The following MACROD1 variants were observed in gnomAD, a reference collection of about 807,000 sequenced individuals.
MACROD1 encodes the protein ADP-ribose glycohydrolase MACROD1.
MACROD1 carries 31 observed loss-of-function variants against 41.4 expected under a neutral mutation model. The ratio of observed to expected loss-of-function variants is 0.75; its 90% CI spans 0.56 to 1.01. MACROD1 has a LOEUF of 1.01. Ranked by LOEUF, MACROD1 falls within the 50% of genes least tolerant of loss-of-function variation. The pLI, the probability that MACROD1 is intolerant of heterozygous loss-of-function variation, is 0.00. For missense variants in MACROD1, 473 were observed against 460.0 expected, an observed-to-expected ratio of 1.03 and a Z score of -0.26; for synonymous variants, 252 against 203.4, an observed-to-expected ratio of 1.24 and a Z score of -2.03.
At chr11:64,148,779 A>G in intron 3 of MACROD1, 2 of 985,776 alleles carry the variant, frequency 2.0e-6, no homozygotes, top group South Asian at 9.4e-5. Context: ...ACTAATAAAC[A>G]GGCTGATATA....
At position 64,120,755 on chromosome 11, in the gene MACROD1, G is replaced by T. The variant is rs1590939722; in HGVS notation, c.517+30484C>A. On this transcript the variant is annotated intron_variant, in intron 3 of 10. Transcript: ENST00000255681. The surrounding 1 kb of genome is among the most constrained non-coding windows in gnomAD (Gnocchi z 4.5). ...CCGAGATGAGCAGAAGGGCCCACCT[G>T]GGATGTCTGGGAGGAGAGCGTGCCC... 1.3e-5 allele frequency among the ~76,000 whole-genome samples: 2 copies of T among 152,034 alleles called. No homozygotes were observed. The highest frequency in any genetic ancestry group is 3.4e-3 in the Middle Eastern group (1 of 292).
chr11:64,037,658 T>C (rs1273459218), intron 3 of MACROD1, among the ~76,000 whole-genome samples: 1 of 152,080 alleles, frequency 6.6e-6, no homozygotes, highest in Non-Finnish European at 1.5e-5. Flanking sequence ...TGTGTGTGTG[T>C]GTGCGCACCC....
chr11:64,155,451 T>C (rs1197826462), intron 1 of MACROD1, among the ~76,000 whole-genome samples: 1 of 152,162 alleles, frequency 6.6e-6, no homozygotes, highest in Admixed American at 6.5e-5. Context: ...CCATGCTCAG[T>C]TTGAAGCCTT....
rs1381401511 is a variant in MACROD1 at position 64,067,894 on chromosome 11, G to A, written c.518-52613C>T. ...CCTGCTGCTGTCCATTTAGCCAGCG[G>A]TTCGCTCGGCTTTTAGGAGGGGGCT... On this transcript the variant is annotated intron_variant, in intron 3 of 10. Transcript: ENST00000255681. This position sits in a 1 kb window ranked among gnomAD's most constrained non-coding sequence, Gnocchi z 4.6. 6.6e-6 allele frequency among the ~76,000 whole-genome samples: 1 copy of A among 152,156 alleles called. No individual in the cohort carries two copies. Among genetic ancestry groups the A allele is most frequent in the East Asian group, 1.9e-4 (1 of 5,186 alleles).
intron 3 of MACROD1, among the ~76,000 whole-genome samples, chr11:64,134,982 T>G (rs1205203284): frequency 6.6e-6 from 1 of 152,212 alleles, no homozygotes; most frequent in Non-Finnish European, 1.5e-5. Context: ...GTGCTCCCGC[T>G]GAATCTCTGC....
At chr11:64,125,733 G>A (rs1403117302) in intron 3 of MACROD1, among the ~76,000 whole-genome samples, 1 of 152,220 alleles carries the variant, frequency 6.6e-6, no homozygotes, top group Non-Finnish European at 1.5e-5. Context: ...CAGTAACTCA[G>A]TTTCCCTTCT....
chr11:64,106,587 G>A (rs969424321), intron 3 of MACROD1, among the ~76,000 whole-genome samples: 2 of 152,120 alleles, frequency 1.3e-5, no homozygotes, highest in Admixed American at 1.3e-4. Flanking sequence ...CTCAGCCCCT[G>A]AGAGGCCCTG....
chr11:64,165,662 C>T (rs573124638), intron 1 of MACROD1, 35 bp downstream of exon 1: 2 of 1,363,544 alleles, frequency 1.5e-6, no homozygotes, highest in East Asian at 2.9e-5. Context: ...CGTGAGGCCG[C>T]CCTCTCCCTC....
chr11:64,009,974 G>A (rs1313219270), intron 4 of MACROD1, among the ~76,000 whole-genome samples: 2 of 152,170 alleles, frequency 1.3e-5, no homozygotes, highest in Non-Finnish European at 2.9e-5. Flanking sequence ...TGTTGGCTGG[G>A]ATGTTGGTTG....
rs1945113132 is a variant in MACROD1 at position 64,122,411 on chromosome 11, G to T, written c.517+28828C>A. Reference sequence around the variant, plus strand: ...GACAGCACCTGGGAAGATGGCAGCAGCTAGGAGGGGCCCAACCTGACTCTC... The same window carrying T: ...GACAGCACCTGGGAAGATGGCAGCATCTAGGAGGGGCCCAACCTGACTCTC... On this transcript the variant is annotated intron_variant, in intron 3 of 10. Transcript: ENST00000255681. The surrounding 1 kb of genome is among the most constrained non-coding windows in gnomAD (Gnocchi z 4.0). 1.3e-5 allele frequency among the ~76,000 whole-genome samples: 2 copies of T among 152,204 alleles called. No individual in the cohort carries two copies. The highest frequency in any genetic ancestry group is 2.9e-5 in the Non-Finnish European group (2 of 68,034).
chr11:64,116,090 C>T (rs1944973577), intron 3 of MACROD1: 3 of 948,020 alleles, frequency 3.2e-6, no homozygotes, highest in Non-Finnish European at 4.6e-6. Flanking sequence ...CCAGCTTGAC[C>T]TCACCCCGCA....
intron 3 of MACROD1, among the ~76,000 whole-genome samples, chr11:64,023,206 C>T (rs1235343971): frequency 6.6e-6 from 1 of 152,094 alleles, no homozygotes; most frequent in Non-Finnish European, 1.5e-5. Context: ...CCTCCTGTCC[C>T]ACTTACAGAT....
intron 3 of MACROD1, among the ~76,000 whole-genome samples, chr11:64,069,204 C>T (rs566084763): frequency 1.2e-3 from 181 of 152,282 alleles, no homozygotes; most frequent in African/African-American, 4.1e-3. Context: ...CCACTGCGCG[C>T]GGCCGGGGGC....
chr11:64,165,748 T>C lies in MACROD1; in HGVS notation c.247A>G (p.Met83Val). ...AGVRTWAPLA[M>V]AAKVDLSTST... The stretch of plus-strand genomic sequence containing the variant: ...GTGCTCAGGTCCACCTTCGCCGCCA[T>C]GGCCAGGGGGGCCCAAGTGCGCACC... The change falls in exon 1 of 11, where the codon ATG (methionine) becomes GTG (valine). Residue 83 changes from methionine to valine, a missense_variant. Physicochemically the swap from Met to Val is conservative, Grantham distance 21. Transcript: ENST00000255681. 3 of 1,499,272 alleles carry C rather than the reference T, an allele frequency of 2.0e-6. No homozygotes were observed. Among genetic ancestry groups the C allele is most frequent in the Non-Finnish European group, 2.7e-6 (3 of 1,128,012 alleles). The allele number at this position is 1,499,272 out of a possible 1,614,324, so 92.9% of individuals were successfully genotyped here.
intron 3 of MACROD1, among the ~76,000 whole-genome samples, chr11:64,038,007 G>T (rs1227623788): frequency 1.3e-5 from 2 of 152,198 alleles, no homozygotes; most frequent in African/African-American, 2.4e-5. Flanking sequence ...GACTTCAGAG[G>T]GTCGGGGGGT....
intron 1 of MACROD1, among the ~76,000 whole-genome samples, chr11:64,152,976 T>C (rs973406688): frequency 6.6e-6 from 1 of 151,700 alleles, no homozygotes; most frequent in African/African-American, 2.4e-5. Flanking sequence ...ACCAATGGGG[T>C]TGGAATCGTT....
intron 3 of MACROD1, among the ~76,000 whole-genome samples, chr11:64,132,147 G>A (rs1248596987): frequency 6.6e-6 from 1 of 152,068 alleles, no homozygotes; most frequent in African/African-American, 2.4e-5. Context: ...TGGGGACAAG[G>A]GGACCTACAG....
intron 1 of MACROD1, among the ~76,000 whole-genome samples, chr11:64,163,024 G>A (rs1223716556): frequency 6.6e-6 from 1 of 152,154 alleles, no homozygotes; most frequent in Non-Finnish European, 1.5e-5. Context: ...GGGAGGCTGA[G>A]GCAGGAAAAT....
chr11:64,078,661 T>C (rs894905163), intron 3 of MACROD1, among the ~76,000 whole-genome samples: 5 of 152,056 alleles, frequency 3.3e-5, no homozygotes, highest in African/African-American at 1.2e-4. Context: ...GTCCTACAAA[T>C]ATGTGCTCTT....
Sources: gnomAD v4.1 joint callset for allele counts (sites outside exome capture counted in the v4.1 genomes callset) on GRCh38, gnomAD v4.1.1 for gene constraint, Gnocchi (gnomAD v3.1) non-coding constraint, MANE v1.5 for transcripts, NCBI Gene and HGNC (gene_info 2026-07-23, HGNC 2026-07-21) for gene names.